Variants in NOD1 observed in about 807,000 individuals in gnomAD.
NOD1 encodes nucleotide-binding oligomerization domain-containing protein 1.
Under a neutral mutation model 81.2 loss-of-function variants are expected in NOD1, and 70 were observed. That is an observed-to-expected ratio of 0.86 (90% confidence interval 0.71 to 1.05). The LOEUF (loss-of-function observed/expected upper bound fraction) is 1.05. Among genes scored for constraint, NOD1 ranks in the 50% least tolerant of loss-of-function variants. The probability of loss-of-function intolerance (pLI) is 0.00; values close to 1 mark genes in which losing one functional copy is unlikely to be tolerated. For missense variants in NOD1, 1,233 were observed against 1,228.0 expected, an observed-to-expected ratio of 1.00 and a Z score of -0.06; for synonymous variants, 508 against 526.9, an observed-to-expected ratio of 0.96 and a Z score of 0.49.
rs568996499 is a variant in NOD1, at chr7:30,467,684, G to T, written c.-351-7643C>A. 1.5e-3 allele frequency among the ~76,000 whole-genome samples: 224 copies of T among 151,692 alleles called. No individual in the cohort carries two copies. The highest frequency in any genetic ancestry group is 4.2e-3 in the African/African-American group (174 of 41,144). ...ATTGTGGGTGGGAACAGTTTTTTTT[G>T]TTGTTGTTGTTATTTTTGTTTGTTT... On this transcript the variant is annotated intron_variant, in intron 1 of 13. Coordinates refer to ENST00000222823, the MANE Select transcript of NOD1 (RefSeq NM_006092.4). The surrounding 1 kb of genome is among the most constrained non-coding windows in gnomAD (Gnocchi z 4.5).
chr7:30,469,069 T>C, intron 1 of NOD1: 1 of 985,398 alleles, frequency 1.0e-6, no homozygotes, highest in Non-Finnish European at 1.2e-6. Context: ...GCTCAAATGG[T>C]GTCCTACTTT....
At chr7:30,446,794 C>A (rs1339598649) in intron 8 of NOD1, 173 bp downstream of exon 8, 6 of 584,350 alleles carry the variant, frequency 1.0e-5, no homozygotes, top group Non-Finnish European at 1.8e-5. Context: ...GGAGGCCCTT[C>A]CAGAATCCAA....
At chr7:30,460,423 G>A in intron 1 of NOD1, 1 of 985,420 alleles carries the variant, frequency 1.0e-6, no homozygotes, top group South Asian at 4.7e-5. Context: ...GACGGAGATT[G>A]GGCTGGGGCC....
At chr7:30,453,927 G>A (rs1483232975) in intron 5 of NOD1, among the ~76,000 whole-genome samples, 3 of 152,246 alleles carry the variant, frequency 2.0e-5, no homozygotes, top group African/African-American at 2.4e-5. Flanking sequence ...ACTGCTTGTA[G>A]AGTGAATTAC....
intron 13 of NOD1, among the ~76,000 whole-genome samples, chr7:30,427,109 G>A (rs538520962): frequency 3.5e-4 from 54 of 152,122 alleles, no homozygotes; most frequent in Non-Finnish European, 5.6e-4. Flanking sequence ...ATGCTCAAGC[G>A]TTTCGTTATT....
At chr7:30,432,319 TAC>T (rs1406990470) in intron 12 of NOD1, among the ~76,000 whole-genome samples, 14 of 152,168 alleles carry the variant, frequency 9.2e-5, no homozygotes, top group African/African-American at 3.4e-4. Flanking sequence ...AAAGAAGCTA[TAC>T]AGACTCCCAG....
In NOD1 at chr7:30,451,941, GTC is replaced by G. The variant is rs1785769790; in HGVS notation, c.1474_1475del (p.Asp492HisfsTer17). On this transcript the variant is annotated frameshift_variant, in exon 6 of 14. Transcript: ENST00000222823. LOFTEE classifies it high-confidence loss of function. The surrounding 1 kb of genome is among the most constrained non-coding windows in gnomAD (Gnocchi z 4.2). ...AAGCCCGCAGGAAGCCCAGCTGCAT[GTC>G]TCTCTCCTGCAGCCCGGAGGCCTGC... ...EVQASGLQER[D>X]MQLGFLRALP... is the part of the protein sequence containing the mutation. 1 of 1,613,580 alleles carries G rather than the reference GTC, an allele frequency of 6.2e-7. No homozygotes were observed. The highest frequency in any genetic ancestry group is 2.2e-5 in the East Asian group (1 of 44,850).
chr7:30,435,150 C>G (rs1000928036), intron 11 of NOD1, among the ~76,000 whole-genome samples: 5 of 152,090 alleles, frequency 3.3e-5, no homozygotes, highest in African/African-American at 1.2e-4. Flanking sequence ...AAAAAGGGAA[C>G]ACCAACAAAA....
At chr7:30,433,736 G>A (rs1784146492) in intron 11 of NOD1, among the ~76,000 whole-genome samples, 1 of 152,118 alleles carries the variant, frequency 6.6e-6, no homozygotes, top group South Asian at 2.1e-4. Flanking sequence ...GCTCCTTGGT[G>A]TAAACAGGGT....
chr7:30,460,450 G>C, intron 1 of NOD1: 2 of 985,376 alleles, frequency 2.0e-6, no homozygotes, highest in Non-Finnish European at 2.4e-6. Context: ...CTGGGAGCTG[G>C]GTCTGCTCTC....
intron 1 of NOD1, among the ~76,000 whole-genome samples, chr7:30,469,397 C>T (rs759723949): frequency 1.1e-4 from 17 of 152,124 alleles, no homozygotes; most frequent in African/African-American, 3.4e-4. Context: ...GGCTTCCTTC[C>T]CCTCCCTACT....
intron 9 of NOD1, among the ~76,000 whole-genome samples, chr7:30,445,174 G>A (rs1190936846): frequency 1.1e-5 from 1 of 93,848 alleles, no homozygotes; most frequent in African/African-American, 5.2e-5. Flanking sequence ...TGACACATTA[G>A]TGGGTGCAGC....
rs533895365 is a variant in NOD1 at position 30,467,226 on chromosome 7, C to T, written c.-351-7185G>A. Among the ~76,000 whole-genome samples the T allele has an allele frequency of 9.9e-5, 15 of 152,264 alleles. No individual in the cohort carries two copies. The highest frequency in any genetic ancestry group is 3.6e-4 in the African/African-American group (15 of 41,544). On this transcript the variant is annotated intron_variant, in intron 1 of 13. Transcript: ENST00000222823. The surrounding 1 kb of genome is among the most constrained non-coding windows in gnomAD (Gnocchi z 4.5). ...GCACTCCACGTTCTCTATAGGCATACGCCCGTGAATGTAAATGCAAAGAAA... is the reference window on the plus strand; with the variant it reads ...GCACTCCACGTTCTCTATAGGCATATGCCCGTGAATGTAAATGCAAAGAAA...
Position 30,425,427 on chromosome 7 carries a change from C to T in NOD1, c.*211G>A. The T allele has an allele frequency of 1.7e-6, 1 of 595,368 alleles. No individual in the cohort carries two copies. The highest frequency in any genetic ancestry group is 2.8e-5 in the East Asian group (1 of 35,810). The allele number at this position is 595,368 out of a possible 1,614,324, so 36.9% of individuals were successfully genotyped here. A position where few individuals can be genotyped will look rare whatever the true frequency, so the allele number is the denominator to read the frequency against. ...TGTAACTACAACAGCTCGCAAGACACATTCTTTTTCTGCAGAATTGTAGCG... is the reference window on the plus strand; with the variant it reads ...TGTAACTACAACAGCTCGCAAGACATATTCTTTTTCTGCAGAATTGTAGCG... On this transcript the variant is annotated 3_prime_UTR_variant, in exon 14 of 14. Coordinates refer to ENST00000222823, the MANE Select transcript of NOD1 (RefSeq NM_006092.4).
intron 11 of NOD1, 36 bp from the exon 12 acceptor site, chr7:30,433,215 C>G (rs1784093873): frequency 6.6e-7 from 1 of 1,516,640 alleles, no homozygotes; most frequent in East Asian, 2.2e-5. Flanking sequence ...CTCAAGAGAG[C>G]CTACTTGGCA....
Position 30,429,429 on chromosome 7 carries a change from C to T in NOD1, c.2734G>A (p.Gly912Arg). The T allele has an allele frequency of 2.5e-6, 4 of 1,614,106 alleles. No homozygotes were observed. The highest frequency in any genetic ancestry group is 2.7e-5 in the African/African-American group (2 of 75,048). ...AACGCATCTGCCAGCTGGGCAGTCC[C>T]CTTAGCTGTGATCTGATTCTGGATA... is the stretch of plus-strand genomic sequence containing the variant. ...WLIQNQITAK[G>R]TAQLADALQS... Residue 912 changes from glycine to arginine, a missense_variant, in exon 13 of 14, where the codon GGG becomes AGG. Physicochemically the swap from Gly to Arg is moderately radical, Grantham distance 125 (BLOSUM62 -2). Coordinates refer to ENST00000222823, the MANE Select transcript of NOD1 (RefSeq NM_006092.4).
chr7:30,454,177 G>C (rs557284527), intron 5 of NOD1, among the ~76,000 whole-genome samples: 14 of 152,358 alleles, frequency 9.2e-5, no homozygotes, highest in African/African-American at 3.4e-4. Flanking sequence ...GCACACACCT[G>C]TCTTGTGCTT....
intron 12 of NOD1, among the ~76,000 whole-genome samples, chr7:30,432,616 T>C (rs1304672071): frequency 2.0e-5 from 3 of 152,180 alleles, no homozygotes; most frequent in African/African-American, 4.8e-5. Context: ...TGAAAACATA[T>C]GTTCACCCAA....
intron 1 of NOD1, among the ~76,000 whole-genome samples, chr7:30,470,217 G>A (rs1175982029): frequency 6.6e-6 from 1 of 152,202 alleles, no homozygotes; most frequent in African/African-American, 2.4e-5. Flanking sequence ...CCTACTCCAT[G>A]TAGGGATCTC....
Sources: allele counts gnomAD v4.1 joint callset (sites outside exome capture counted in the v4.1 genomes callset), GRCh38; gene constraint gnomAD v4.1.1; non-coding constraint Gnocchi (gnomAD v3.1); transcripts MANE v1.5; gene names NCBI Gene and HGNC (gene_info 2026-07-23, HGNC 2026-07-21).